ZNF385D: variants seen among roughly 807,000 people sequenced by gnomAD.
ZNF385D encodes zinc finger protein 385D, also known as zinc finger protein 659.
ZNF385D carries 15 observed loss-of-function variants against 35.8 expected under a neutral mutation model. That is an observed-to-expected ratio of 0.42 (90% CI 0.28 to 0.64). The LOEUF (loss-of-function observed/expected upper bound fraction) is 0.64, where lower values mean the gene tolerates loss of function less well. ZNF385D is among the 30% of genes least tolerant of loss of function. ZNF385D has a pLI of 0.23. For missense variants in ZNF385D, 474 were observed against 494.6 expected, an observed-to-expected ratio of 0.96 and a Z score of 0.39; for synonymous variants, 212 against 186.8, an observed-to-expected ratio of 1.13 and a Z score of -1.10.
chr3:21,636,402 A>ATATATT (rs2065447598), intron 2 of ZNF385D, among the ~76,000 whole-genome samples: 1 of 42,500 alleles, frequency 2.4e-5, no homozygotes, highest in African/African-American at 1.0e-4. Context: ...ATATATATAT[A>ATATATT]TATATATATA....
At chr3:22,218,878 T>C (rs1012163348) in intron 2 of ZNF385D, among the ~76,000 whole-genome samples, 1 of 152,158 alleles carries the variant, frequency 6.6e-6, no homozygotes, top group African/African-American at 2.4e-5. Context: ...TAGCCATTAC[T>C]AGAGGGCTCA....
chr3:21,884,137 T>C (rs1698417432), intron 3 of ZNF385D, among the ~76,000 whole-genome samples: 1 of 152,012 alleles, frequency 6.6e-6, no homozygotes, highest in African/African-American at 2.4e-5. Flanking sequence ...CAAGAAATAA[T>C]TAGGATCACT....
rs932063790 is a variant in ZNF385D, at chr3:21,420,051, C to T, written c.*1163G>A. ...TGCAATTAACTCAGATTCATATTTCCTGTTGTTATTAACATTTAAATATAT... is the reference window on the plus strand; with the variant it reads ...TGCAATTAACTCAGATTCATATTTCTTGTTGTTATTAACATTTAAATATAT... On this transcript the variant is annotated 3_prime_UTR_variant, in exon 8 of 8. Coordinates refer to ENST00000281523, the MANE Select transcript of ZNF385D (RefSeq NM_024697.3). The T allele has an allele frequency of 1.3e-5, 2 of 152,028 alleles. No individual in the cohort carries two copies. Among genetic ancestry groups the T allele is most frequent in the East Asian group, 3.9e-4 (2 of 5,172 alleles). 9.4% of individuals were successfully genotyped at this position (152,028 alleles called of 1,614,324 possible). A position where few individuals can be genotyped will look rare whatever the true frequency, so the allele number is the denominator to read the frequency against.
chr3:21,702,901 A>G (rs2067744454), intron 1 of ZNF385D, among the ~76,000 whole-genome samples: 1 of 152,124 alleles, frequency 6.6e-6, no homozygotes, highest in South Asian at 2.1e-4. Flanking sequence ...TCATATCACT[A>G]TAAGCAATTT....
intron 4 of ZNF385D, among the ~76,000 whole-genome samples, chr3:21,444,121 C>A (rs1377897782): frequency 1.4e-5 from 2 of 145,888 alleles, no homozygotes. Context: ...GCTCTGTCAC[C>A]CAGGCTGGAG....
At chr3:22,249,481 C>A (rs555671495) in intron 2 of ZNF385D, among the ~76,000 whole-genome samples, 18 of 152,060 alleles carry the variant, frequency 1.2e-4, no homozygotes, top group Non-Finnish European at 2.4e-4. Flanking sequence ...TGTCATTATT[C>A]CAATCTGTAT....
chr3:22,320,402 A>T (rs973530207), intron 2 of ZNF385D, among the ~76,000 whole-genome samples: 15 of 151,856 alleles, frequency 9.9e-5, no homozygotes, highest in African/African-American at 3.6e-4. Flanking sequence ...AATATTTTCC[A>T]TTGCTTATTT....
At chr3:22,302,767 T>G (rs1252113100) in intron 2 of ZNF385D, among the ~76,000 whole-genome samples, 1 of 152,126 alleles carries the variant, frequency 6.6e-6, no homozygotes, top group Non-Finnish European at 1.5e-5. Context: ...CCAATTAGTT[T>G]TAATGTTACT....
At chr3:22,138,898 A>C (rs1439211948) in intron 3 of ZNF385D, among the ~76,000 whole-genome samples, 3 of 152,192 alleles carry the variant, frequency 2.0e-5, no homozygotes, top group Non-Finnish European at 4.4e-5. Context: ...CAATGGGAGA[A>C]AATTTTTGCA....
intron 2 of ZNF385D, among the ~76,000 whole-genome samples, chr3:22,230,519 T>TC (rs1157444907): frequency 2.0e-5 from 3 of 152,052 alleles, no homozygotes; most frequent in African/African-American, 7.2e-5. Context: ...CAGACACCCC[T>TC]CCCTCTATTC....
chr3:22,302,397 T>C (rs1702950541), intron 2 of ZNF385D, among the ~76,000 whole-genome samples: 1 of 151,602 alleles, frequency 6.6e-6, no homozygotes, highest in Non-Finnish European at 1.5e-5. Context: ...ATATACATTA[T>C]ATAATTGTAT....
At position 21,706,951 on chromosome 3, in the gene ZNF385D, C is replaced by G. The variant is rs572221087; in HGVS notation, c.23-41923G>C. 2.0e-5 allele frequency among the ~76,000 whole-genome samples: 3 copies of G among 152,244 alleles called. No homozygotes were observed. In the South Asian group the frequency reaches 6.2e-4, roughly 32 times the overall value. ...CTCCTTCTTCAAGTAGCTGCCTCAG[C>G]CTTCATCCCTCTGTATGCGTAGATA... On this transcript the variant is annotated intron_variant, in intron 1 of 7. Transcript: ENST00000281523.
intron 3 of ZNF385D, among the ~76,000 whole-genome samples, chr3:21,771,724 G>T (rs916667143): frequency 1.3e-5 from 2 of 151,878 alleles, no homozygotes; most frequent in African/African-American, 4.8e-5. Context: ...CAAGATGGGG[G>T]AGGGAGGGGA....
rs1695721052 is a variant in ZNF385D at position 22,187,564 on chromosome 3, G to C, written c.107-18529C>G. Among the ~76,000 whole-genome samples the C allele has an allele frequency of 2.0e-5, 3 of 152,106 alleles. No homozygotes were observed. In the South Asian group the frequency reaches 6.2e-4, roughly 32 times the overall value. On this transcript the variant is annotated intron_variant, in intron 2 of 5. Transcript: ENST00000494108. ...TATTCCATTTCATTCTTTTTGTAAG[G>C]AGAATGAAGTTAGTGAAGAAACCAG...
chr3:21,699,820 T>C (rs1382471463), intron 1 of ZNF385D, among the ~76,000 whole-genome samples: 1 of 150,230 alleles, frequency 6.7e-6, no homozygotes, highest in Non-Finnish European at 1.5e-5. Flanking sequence ...TATGTTTCTT[T>C]TCCTTTTTTT....
At chr3:22,071,420 T>A (rs1286851171) in intron 3 of ZNF385D, among the ~76,000 whole-genome samples, 1 of 152,168 alleles carries the variant, frequency 6.6e-6, no homozygotes, top group Non-Finnish European at 1.5e-5. Flanking sequence ...TCCAGCTTCA[T>A]ACTAGAGGTC....
At chr3:21,912,219 A>G (rs561918647) in intron 3 of ZNF385D, among the ~76,000 whole-genome samples, 1 of 152,016 alleles carries the variant, frequency 6.6e-6, no homozygotes, top group South Asian at 2.1e-4. Context: ...TTCAGCCCAG[A>G]CCCTAAACTC....
intron 1 of ZNF385D, among the ~76,000 whole-genome samples, chr3:21,667,458 G>C (rs879480868): frequency 2.0e-5 from 3 of 152,110 alleles, no homozygotes; most frequent in Admixed American, 6.6e-5. Context: ...CACCATGCCC[G>C]GCCCTAAATT....
At chr3:21,812,056 T>G (rs138324416) in intron 3 of ZNF385D, among the ~76,000 whole-genome samples, 4 of 152,114 alleles carry the variant, frequency 2.6e-5, no homozygotes, top group Non-Finnish European at 4.4e-5. Context: ...TATCAGTTTA[T>G]AGAAAACACA....
Sources: gnomAD v4.1 joint callset for allele counts (sites outside exome capture counted in the v4.1 genomes callset) on GRCh38, gnomAD v4.1.1 for gene constraint, MANE v1.5 for transcripts, NCBI Gene and HGNC (gene_info 2026-07-23, HGNC 2026-07-21) for gene names.